Variants in UST observed in about 807,000 individuals in gnomAD.
UST encodes the protein uronyl 2-sulfotransferase, also known as chondroitin sulfate 2-O-sulfotransferase.
In UST, 21 loss-of-function variants were observed where a neutral mutation model predicts 45.6. The ratio of observed to expected loss-of-function variants is 0.46; its 90% CI spans 0.33 to 0.66. The LOEUF is 0.66. Among genes scored for constraint, UST ranks in the 30% least tolerant of loss-of-function variants. UST has a pLI of 0.02. For synonymous variants in UST, 215 were observed against 200.6 expected (o/e 1.07, Z -0.61); for missense variants, 463 against 512.4 (o/e 0.90, Z 0.93).
intron 5 of UST, among the ~76,000 whole-genome samples, chr6:149,002,468 A>G (rs1005405648): frequency 6.6e-6 from 1 of 152,198 alleles, no homozygotes; most frequent in Admixed American, 6.5e-5. Flanking sequence ...TAGTGTAGGA[A>G]TAATAACATG....
Position 148,905,218 on chromosome 6 carries a change from G to C in UST, c.291+18189G>C, listed in dbSNP as rs200208304. The stretch of plus-strand genomic sequence containing the variant: ...GGAGTGGCCTGTTTTCCAAACCTCT[G>C]AGTCATTACTTCTCTCTTCCCTGGT... On this transcript the variant is annotated intron_variant, in intron 2 of 7. Coordinates refer to ENST00000367463, the MANE Select transcript of UST (RefSeq NM_005715.3). Among the ~76,000 whole-genome samples the C allele has an allele frequency of 6.6e-5, 10 of 152,154 alleles. No homozygotes were observed. The East Asian group carries it at 1.9e-3, about 29-fold the overall frequency.
intron 5 of UST, chr6:149,005,225 C>T (rs1169687706): frequency 2.2e-6 from 2 of 926,272 alleles, no homozygotes. Flanking sequence ...CCATCCAGCA[C>T]CTCCCCAACA....
At chr6:148,942,429 G>A (rs1301909063) in intron 3 of UST, among the ~76,000 whole-genome samples, 6 of 152,158 alleles carry the variant, frequency 3.9e-5, no homozygotes, top group Non-Finnish European at 1.5e-5. Flanking sequence ...ATGGTGGCAC[G>A]TGCCTGTAGT....
At chr6:148,953,620 A>C (rs1780413065) in intron 3 of UST, among the ~76,000 whole-genome samples, 1 of 151,978 alleles carries the variant, frequency 6.6e-6, no homozygotes. Flanking sequence ...AAATACAAAA[A>C]ATTAGCCGGG....
At chr6:148,846,181 A>G (rs11757739) in intron 1 of UST, among the ~76,000 whole-genome samples, 24,875 of 150,796 alleles carry the variant, frequency 0.16, 2,118 homozygotes, top group South Asian at 0.25. Flanking sequence ...ACAATAGCAA[A>G]GACTTGGAAC....
chr6:149,049,709 T>C (rs1774963438), intron 7 of UST, among the ~76,000 whole-genome samples: 1 of 152,154 alleles, frequency 6.6e-6, no homozygotes, highest in South Asian at 2.1e-4. Context: ...GCAGCAACAC[T>C]GATGAAAATG....
intron 4 of UST, among the ~76,000 whole-genome samples, chr6:148,961,417 G>T (rs75778955): frequency 6.6e-6 from 1 of 152,204 alleles, no homozygotes; most frequent in East Asian, 1.9e-4. Flanking sequence ...ATTTTTTAGC[G>T]CTCCATAAAG....
intron 1 of UST, among the ~76,000 whole-genome samples, chr6:148,883,738 T>A (rs917817968): frequency 6.6e-6 from 1 of 151,960 alleles, no homozygotes; most frequent in African/African-American, 2.4e-5. Context: ...TGGCATTGAG[T>A]TATAAGGGGA....
chr6:149,053,000 A>G (rs182932578), intron 7 of UST, among the ~76,000 whole-genome samples: 1 of 152,346 alleles, frequency 6.6e-6, no homozygotes, highest in East Asian at 1.9e-4. Flanking sequence ...AAAATAGCAA[A>G]GCAAAAATGG....
chr6:148,964,028 T>G (rs772992853), intron 4 of UST, among the ~76,000 whole-genome samples: 62 of 152,218 alleles, frequency 4.1e-4, no homozygotes, highest in Non-Finnish European at 7.2e-4. Context: ...ATTGTGTCCC[T>G]GTGGGTTCTG....
intron 1 of UST, among the ~76,000 whole-genome samples, chr6:148,784,922 A>G (rs1562256837): frequency 6.6e-6 from 1 of 152,224 alleles, no homozygotes; most frequent in South Asian, 2.1e-4. Context: ...TGAAGAGCAT[A>G]TATGTGGCCG....
chr6:148,886,591 T>C (rs1476601324), intron 1 of UST, among the ~76,000 whole-genome samples: 1 of 152,194 alleles, frequency 6.6e-6, no homozygotes, highest in African/African-American at 2.4e-5. Context: ...GGGAACTGGT[T>C]AGAAATGCAG....
In UST at chr6:149,057,137, A is replaced by G. The variant is rs115183616; in HGVS notation, c.938-16696A>G. Among the ~76,000 whole-genome samples the G allele has an allele frequency of 8.2e-3, 1,242 of 152,362 alleles. 20 individuals are homozygous for G. The highest frequency in any genetic ancestry group is 0.028 in the African/African-American group (1,183 of 41,578). ...TGCATTTTGAATTAACTATAAAAAT[A>G]CAAAGTTCTGTGATAGCCCTATCTG... On this transcript the variant is annotated intron_variant, in intron 7 of 7. Coordinates refer to ENST00000367463, the MANE Select transcript of UST (RefSeq NM_005715.3).
chr6:148,952,482 A>G (rs545483783), intron 3 of UST, among the ~76,000 whole-genome samples: 6 of 152,348 alleles, frequency 3.9e-5, no homozygotes, highest in African/African-American at 1.4e-4. Context: ...TGTGAGCTTG[A>G]ATATCTAATT....
intron 7 of UST, among the ~76,000 whole-genome samples, chr6:149,045,022 T>C (rs1776378396): frequency 6.6e-6 from 1 of 152,212 alleles, no homozygotes; most frequent in Non-Finnish European, 1.5e-5. Flanking sequence ...ATTCTGTAAG[T>C]TGATAAGTAC....
intron 1 of UST, among the ~76,000 whole-genome samples, chr6:148,871,213 A>G (rs1778553510): frequency 6.7e-6 from 1 of 150,000 alleles, no homozygotes; most frequent in Non-Finnish European, 1.5e-5. Flanking sequence ...ATGTGAGGAC[A>G]CAGGCAGGAT....
At chr6:148,980,974 C>G (rs1465353557) in intron 5 of UST, among the ~76,000 whole-genome samples, 3 of 152,112 alleles carry the variant, frequency 2.0e-5, no homozygotes, top group African/African-American at 4.8e-5. Flanking sequence ...ATCCTCCCAC[C>G]TAGGCCTCCC....
At chr6:148,906,874 G>A (rs181682723) in intron 2 of UST, among the ~76,000 whole-genome samples, 1 of 152,158 alleles carries the variant, frequency 6.6e-6, no homozygotes, top group South Asian at 2.1e-4. Context: ...ATGAGTTAGT[G>A]GGTTTGATGT....
chr6:149,058,344 CATGTGTGTGT>C (rs1241372233), intron 7 of UST, among the ~76,000 whole-genome samples: 55 of 126,754 alleles, frequency 4.3e-4, no homozygotes, highest in African/African-American at 8.9e-4. Flanking sequence ...AAAGGAGGAG[CATGTGTGTGT>C]GTGTGTGTGT....
Sources: gnomAD v4.1 joint callset for allele counts (sites outside exome capture counted in the v4.1 genomes callset) on GRCh38, gnomAD v4.1.1 for gene constraint, MANE v1.5 for transcripts, NCBI Gene and HGNC (gene_info 2026-07-23, HGNC 2026-07-21) for gene names.